The following YPEL5 variants were observed in gnomAD, a reference collection of about 807,000 sequenced individuals.
YPEL5 encodes the protein yippee like 5.
In YPEL5, 1 loss-of-function variant was observed where a neutral mutation model predicts 10.5. The ratio of observed to expected loss-of-function variants is 0.10; its 90% CI spans 0.03 to 0.45. YPEL5 has a LOEUF of 0.45. Ranked by LOEUF, YPEL5 falls within the 20% of genes least tolerant of loss-of-function variation. The probability of loss-of-function intolerance (pLI) is 0.97; values close to 1 mark genes in which losing one functional copy is unlikely to be tolerated. For missense variants in YPEL5, 68 were observed against 159.3 expected (o/e 0.43, Z 3.09); for synonymous variants, 61 against 56.6 (o/e 1.08, Z -0.35).
intron 1 of YPEL5, among the ~76,000 whole-genome samples, chr2:30,149,260 A>C (rs1465941288): frequency 6.6e-6 from 1 of 152,200 alleles, no homozygotes; most frequent in Non-Finnish European, 1.5e-5. Flanking sequence ...AAACAGGAAA[A>C]AATAAGGCAT....
chr2:30,157,434 A>T (rs192987041), intron 2 of YPEL5, among the ~76,000 whole-genome samples: 255 of 152,312 alleles, frequency 1.7e-3, no homozygotes, highest in Non-Finnish European at 5.7e-4. Context: ...TTATCCATAT[A>T]GGGAGATGGT....
In YPEL5 at chr2:30,159,641, A is replaced by G. The variant is rs942514808; in HGVS notation, c.*798A>G. 1.1e-4 allele frequency: 17 copies of G among 152,428 alleles called. No individual in the cohort carries two copies. Among genetic ancestry groups the G allele is most frequent in the African/African-American group, 4.1e-4 (17 of 41,562 alleles). The allele number at this position is 152,428 out of a possible 1,614,324, so 9.4% of individuals were successfully genotyped here. ...TTTCATAGTAGTAAAGTTTTTTTTC[A>G]TCTCTTAAACTAAATTGACCATGCA... On this transcript the variant is annotated 3_prime_UTR_variant, in exon 3 of 3. Coordinates refer to ENST00000261353, the MANE Select transcript of YPEL5 (RefSeq NM_016061.3).
rs1186259979 is a variant in YPEL5, at chr2:30,158,692, G to A, written c.215G>A (p.Ser72Asn). The A allele has an allele frequency of 6.2e-7, 1 of 1,614,106 alleles. No individual in the cohort carries two copies. The highest frequency in any genetic ancestry group is 8.5e-7 in the Non-Finnish European group (1 of 1,180,056). Reference protein sequence around the residue: ...LTGRHMVRDVSCKNCNSKLGW... With the variant: ...LTGRHMVRDVNCKNCNSKLGW... ...GGCCGCCACATGGTTCGAGATGTGA[G>A]CTGCAAAAACTGCAATAGCAAACTG... is the stretch of plus-strand genomic sequence containing the variant. The change falls in exon 3 of 3, where the codon AGC (serine) becomes AAC (asparagine). Residue 72 changes from serine (S) to asparagine (N), a missense_variant. By Grantham distance (46) the Ser-to-Asn change is conservative (BLOSUM62 1). Around this residue, in one of 2 missense-constraint regions of YPEL5, gnomAD observed 48 missense variants for 138.4 expected, o/e 0.35. Coordinates refer to ENST00000261353, the MANE Select transcript of YPEL5 (RefSeq NM_016061.3).
At chr2:30,152,827 G>A (rs1415209985) in intron 1 of YPEL5, among the ~76,000 whole-genome samples, 1 of 151,640 alleles carries the variant, frequency 6.6e-6, no homozygotes, top group Non-Finnish European at 1.5e-5. Flanking sequence ...TGTTATTCAG[G>A]TCCAGAGAAG....
intron 1 of YPEL5, among the ~76,000 whole-genome samples, chr2:30,149,606 C>T (rs1459294682): frequency 6.6e-6 from 1 of 152,164 alleles, no homozygotes; most frequent in Non-Finnish European, 1.5e-5. Flanking sequence ...GGTTTTTATC[C>T]TTTGTTTTGG....
intron 1 of YPEL5, among the ~76,000 whole-genome samples, chr2:30,148,871 G>T (rs1465480587): frequency 6.6e-6 from 1 of 152,184 alleles, no homozygotes; most frequent in Non-Finnish European, 1.5e-5. Context: ...GTAGTCCTAG[G>T]TATATGTGTG....
intron 1 of YPEL5, among the ~76,000 whole-genome samples, chr2:30,153,872 G>GA (rs1172703107): frequency 1.3e-5 from 2 of 152,146 alleles, no homozygotes; most frequent in African/African-American, 2.4e-5. Flanking sequence ...TGGGTAAAGA[G>GA]AAAAAATAGA....
At chr2:30,149,459 T>G (rs1219818770) in intron 1 of YPEL5, among the ~76,000 whole-genome samples, 1 of 152,240 alleles carries the variant, frequency 6.6e-6, no homozygotes, top group Non-Finnish European at 1.5e-5. Context: ...AAGTTGATTG[T>G]ATGGATCAAA....
At chr2:30,157,042 T>G (rs529892193) in intron 2 of YPEL5, among the ~76,000 whole-genome samples, 1 of 152,160 alleles carries the variant, frequency 6.6e-6, no homozygotes, top group African/African-American at 2.4e-5. Context: ...CCCAGCACTT[T>G]GGGAGGCCGA....
At chr2:30,157,222 G>T (rs1676081867) in intron 2 of YPEL5, among the ~76,000 whole-genome samples, 1 of 151,978 alleles carries the variant, frequency 6.6e-6, no homozygotes, top group Non-Finnish European at 1.5e-5. Flanking sequence ...GGCGGAGGTT[G>T]TGGTGAGCCG....
At chr2:30,157,511 A>G (rs1387430938) in intron 2 of YPEL5, among the ~76,000 whole-genome samples, 1 of 152,190 alleles carries the variant, frequency 6.6e-6, no homozygotes, top group Non-Finnish European at 1.5e-5. Flanking sequence ...GCTCTAATTC[A>G]TGCTCACCAA....
At chr2:30,147,118 C>A (rs1385772484) in intron 1 of YPEL5, 56 bp downstream of exon 1, 1 of 152,204 alleles carries the variant, frequency 6.6e-6, no homozygotes, top group Non-Finnish European at 1.5e-5. Context: ...GGCGCCCGTT[C>A]GGGTCGGGCG....
At chr2:30,157,031 TC>T (rs1227254283) in intron 2 of YPEL5, among the ~76,000 whole-genome samples, 2 of 152,162 alleles carry the variant, frequency 1.3e-5, no homozygotes, top group Non-Finnish European at 2.9e-5. Flanking sequence ...ATGCCTGTAA[TC>T]CCAGCACTTT....
intron 1 of YPEL5, among the ~76,000 whole-genome samples, chr2:30,149,253 CAGGA>C (rs1675664144): frequency 6.6e-6 from 1 of 152,012 alleles, no homozygotes; most frequent in African/African-American, 2.4e-5. Context: ...TCTAACAAAA[CAGGA>C]AAAAATAAGG....
At chr2:30,155,693 T>C (rs1676010444) in intron 1 of YPEL5, 1 of 152,240 alleles carries the variant, frequency 6.6e-6, no homozygotes, top group African/African-American at 2.4e-5. Flanking sequence ...TTGAATGTTA[T>C]AAAGTGTTAC....
intron 1 of YPEL5, 170 bp from the exon 2 acceptor site, chr2:30,156,458 A>G (rs747925564): frequency 1.5e-5 from 9 of 585,236 alleles, no homozygotes; most frequent in Non-Finnish European, 2.3e-5. Context: ...TTATTTGTTC[A>G]GTGTGTGAAC....
At chr2:30,158,304 C>T (rs1407964962) in intron 2 of YPEL5, among the ~76,000 whole-genome samples, 1 of 152,130 alleles carries the variant, frequency 6.6e-6, no homozygotes, top group Non-Finnish European at 1.5e-5. Flanking sequence ...GGACCCAAAC[C>T]TACATTTTAT....
Position 30,159,468 on chromosome 2 carries a change from CT to C in YPEL5, c.*630del, listed in dbSNP as rs1226475862. ...CCACATAATTGGTGTTGATTGGAAA[CT>C]TTTTCTGAGATGGGACAGAACTGCT... On this transcript the variant is annotated 3_prime_UTR_variant, in exon 3 of 3. Transcript: ENST00000261353. 3.3e-5 allele frequency: 5 copies of C among 152,688 alleles called. No individual in the cohort carries two copies. The highest frequency in any genetic ancestry group is 1.2e-4 in the African/African-American group (5 of 41,416). The allele number at this position is 152,688 out of a possible 1,614,324, so 9.5% of individuals were successfully genotyped here.
chr2:30,147,233 T>C (rs1426500955), intron 1 of YPEL5, among the ~76,000 whole-genome samples, 171 bp downstream of exon 1: 1 of 151,842 alleles, frequency 6.6e-6, no homozygotes, highest in African/African-American at 2.4e-5. Flanking sequence ...CCCCAGATCC[T>C]TCAGGGTGGG....
Sources: gnomAD v4.1 joint callset for allele counts (sites outside exome capture counted in the v4.1 genomes callset) on GRCh38, gnomAD v4.1.1 for gene constraint, gnomAD v4.1.1 regional missense constraint, MANE v1.5 for transcripts, NCBI Gene and HGNC (gene_info 2026-07-23, HGNC 2026-07-21) for gene names.